HSPG2: variants seen among roughly 807,000 people sequenced by gnomAD.
HSPG2 encodes the protein basement membrane-specific heparan sulfate proteoglycan core protein.
A neutral mutation model predicts 526.6 loss-of-function variants in HSPG2; 278 were observed. The ratio of observed to expected loss-of-function variants is 0.53; its 90% CI spans 0.48 to 0.58. The LOEUF (loss-of-function observed/expected upper bound fraction) is 0.58, where lower values mean the gene tolerates loss of function less well. Ranked by LOEUF, HSPG2 falls within the 20% of genes least tolerant of loss-of-function variation. HSPG2 has a pLI of 0.00. For synonymous variants in HSPG2, 2,465 were observed against 2,555.4 expected (o/e 0.96, Z 1.07); for missense variants, 5,354 against 6,099.5 (o/e 0.88, Z 4.07).
chr1:21,876,866 C>T (rs1641110193), intron 21 of HSPG2, among the ~76,000 whole-genome samples: 1 of 152,140 alleles, frequency 6.6e-6, no homozygotes, highest in Admixed American at 6.5e-5. Flanking sequence ...CAAGACCAGC[C>T]TGGCCAACAT....
chr1:21,852,873 T>G, intron 51 of HSPG2, 41 bp from the exon 52 acceptor site: 1 of 1,611,304 alleles, frequency 6.2e-7, no homozygotes, highest in Non-Finnish European at 8.5e-7. Flanking sequence ...GCTGGAACAG[T>G]CCCATCCAGC....
In HSPG2 at chr1:21,872,462, G is replaced by T; in HGVS notation, c.4030-85C>A. 1 of 1,418,218 alleles carries T rather than the reference G, an allele frequency of 7.1e-7. No individual in the cohort carries two copies. Among genetic ancestry groups the T allele is most frequent in the South Asian group, 1.3e-5 (1 of 79,684 alleles). The allele number at this position is 1,418,218 out of a possible 1,614,324, so 87.9% of individuals were successfully genotyped here. A position where few individuals can be genotyped will look rare whatever the true frequency, so the allele number is the denominator to read the frequency against. ...GGGGCACGGGAGGGTGTTAAGGTGC[G>T]GAATGGGGTCCTGTTGAGATCAGGA... is the stretch of plus-strand genomic sequence containing the variant. On this transcript the variant is annotated intron_variant, in intron 32 of 96. Transcript: ENST00000374695. The surrounding 1 kb of genome is among the most constrained non-coding windows in gnomAD (Gnocchi z 5.5).
chr1:21,876,222 T>C lies in HSPG2; in HGVS notation c.3003+7A>G. On this transcript the variant is annotated splice_region_variant and intron_variant, in intron 23 of 96. Coordinates refer to ENST00000374695, the MANE Select transcript of HSPG2 (RefSeq NM_005529.7). The stretch of plus-strand genomic sequence containing the variant: ...GAGTTTCCTTTGCCTTTCCACCCAC[T>C]ACCCACCTTGTCCCCCAGGAAGCGT... 1 of 1,601,268 alleles carries C rather than the reference T, an allele frequency of 6.2e-7. No individual in the cohort carries two copies.
intron 21 of HSPG2, among the ~76,000 whole-genome samples, chr1:21,877,110 G>T (rs1641140959): frequency 6.6e-6 from 1 of 151,344 alleles, no homozygotes; most frequent in African/African-American, 2.4e-5. Flanking sequence ...ACATGTATGA[G>T]GCGTCATTGC....
At chr1:21,870,698 C>G (rs1640574528) in intron 33 of HSPG2, 1 of 391,958 alleles carries the variant, frequency 2.6e-6, no homozygotes, top group African/African-American at 2.2e-5. Flanking sequence ...ACCCTGGGGT[C>G]ATGGGACACC....
At position 21,885,424 on chromosome 1, in the gene HSPG2, C is replaced by T; in HGVS notation, c.1106G>A (p.Gly369Glu). Residue 369 changes from glycine to glutamate, a missense_variant, in exon 10 of 97, where the codon GGG (glycine) becomes GAG (glutamate). Transcript: ENST00000374695. ...AGAGACGCATCGGAACTGTGTGGGCCCGCACACTTCCTCAGGACGCTTGGT... is the reference window on the plus strand; with the variant it reads ...AGAGACGCATCGGAACTGTGTGGGCTCGCACACTTCCTCAGGACGCTTGGT... The part of the protein sequence containing the change: ...CPTKRPEEVC[G>E]PTQFRCVSTN... 6.2e-7 allele frequency: 1 copy of T among 1,614,050 alleles called. No individual in the cohort carries two copies. The highest frequency in any genetic ancestry group is 1.1e-5 in the South Asian group (1 of 91,084).
chr1:21,843,169 TCCTCCGTGGTAGGAAACCCCG>T (rs1218746366), intron 66 of HSPG2, 107 bp downstream of exon 66: 1 of 1,386,512 alleles, frequency 7.2e-7, no homozygotes, highest in African/African-American at 1.4e-5. Context: ...GTTGGCTTGA[TCCTCCGTGGTAGGAAACCCCG>T]CCTGCAGGCA....
At position 21,855,640 on chromosome 1, in the gene HSPG2, T is replaced by C. The variant is rs1407878329; in HGVS notation, c.5737A>G (p.Ile1913Val). The C allele has an allele frequency of 6.3e-7, 1 of 1,576,462 alleles. No individual in the cohort carries two copies. The highest frequency in any genetic ancestry group is 2.3e-5 in the East Asian group (1 of 43,324). The stretch of plus-strand genomic sequence containing the variant: ...GGCAGGCGCAGGATGCCGCCGTGGA[T>C]TTGTGCCTTCGCAGGGAGCTGGCCG... ...PGGQLPAKAQ[I>V]HGGILRLPAV... Residue 1913 changes from isoleucine (I) to valine (V), a missense_variant, in exon 46 of 97, where the codon ATC becomes GTC. Ile to Val is a conservative substitution (Grantham distance 29). Coordinates refer to ENST00000374695, the MANE Select transcript of HSPG2 (RefSeq NM_005529.7).
At chr1:21,916,950 A>G (rs906070595) in intron 1 of HSPG2, among the ~76,000 whole-genome samples, 4 of 152,124 alleles carry the variant, frequency 2.6e-5, no homozygotes, top group African/African-American at 9.7e-5. Flanking sequence ...CTCCCCACCC[A>G]TGGTTATTGT....
At chr1:21,867,844 C>T (rs1332433750) in intron 33 of HSPG2, among the ~76,000 whole-genome samples, 1 of 152,098 alleles carries the variant, frequency 6.6e-6, no homozygotes, top group Non-Finnish European at 1.5e-5. Context: ...GATTCTCCCC[C>T]TTCAGCCTCC....
In HSPG2 at chr1:21,839,470, T is replaced by C. The variant is rs139500146; in HGVS notation, c.9790A>G (p.Ile3264Val). The C allele has an allele frequency of 0.012, 19,738 of 1,614,040 alleles. 167 individuals are homozygous for C. The highest frequency in any genetic ancestry group is 0.013 in the Non-Finnish European group (15,519 of 1,179,964). ...TCCTGCTGGGCTACCCGGGGTATGA[T>C]GAGTGTGTCACCTTCCAGCCGGTGC... is the stretch of plus-strand genomic sequence containing the variant. ...WQHRLEGDTL[I>V]IPRVAQQDSG... Residue 3264 changes from isoleucine (I) to valine (V), a missense_variant, in exon 73 of 97, where the codon ATC (isoleucine) becomes GTC (valine). Transcript: ENST00000374695. This position sits in a 1 kb window ranked among gnomAD's most constrained non-coding sequence, Gnocchi z 4.5.
chr1:21,935,905 G>C (rs1240071600), intron 1 of HSPG2, among the ~76,000 whole-genome samples: 2 of 152,038 alleles, frequency 1.3e-5, no homozygotes, highest in African/African-American at 4.8e-5. Context: ...GATGGGGGAG[G>C]AGAAGTGCTG....
In HSPG2 at chr1:21,887,127, G is replaced by T; in HGVS notation, c.1078+88C>A. ...GGAGGGGGGAAAGCGGAGGGGCAGG[G>T]TAGGGGCGGGGCAGGAGTGGAAGGC... On this transcript the variant is annotated intron_variant, in intron 9 of 96. Coordinates refer to ENST00000374695, the MANE Select transcript of HSPG2 (RefSeq NM_005529.7). This position sits in a 1 kb window ranked among gnomAD's most constrained non-coding sequence, Gnocchi z 5.0. 4 of 1,209,000 alleles carry T rather than the reference G, an allele frequency of 3.3e-6. No homozygotes were observed. The highest frequency in any genetic ancestry group is 4.5e-6 in the Non-Finnish European group (4 of 881,750). The allele number at this position is 1,209,000 out of a possible 1,614,324, so 74.9% of individuals were successfully genotyped here.
At position 21,890,607 on chromosome 1, in the gene HSPG2, A is replaced by G; in HGVS notation, c.332T>C (p.Val111Ala). The change falls in exon 4 of 97, where the codon GTG becomes GCG. Residue 111 changes from valine (V) to alanine (A), a missense_variant. Physicochemically the swap from Val to Ala is moderately conservative, Grantham distance 64 (BLOSUM62 0). Coordinates refer to ENST00000374695, the MANE Select transcript of HSPG2 (RefSeq NM_005529.7). The surrounding 1 kb of genome is among the most constrained non-coding windows in gnomAD (Gnocchi z 4.1). The stretch of plus-strand genomic sequence containing the variant: ...CACCGTGTCTACCACAGCCTCGGAC[A>G]CCTCTCGGAACTCTCTGGAGCCTGC... ...EDAGSREFREVSEAVVDTLES... is the reference protein window; with the variant it reads ...EDAGSREFREASEAVVDTLES... The G allele has an allele frequency of 6.2e-7, 1 of 1,613,420 alleles. No homozygotes were observed. The highest frequency in any genetic ancestry group is 1.7e-5 in the Admixed American group (1 of 60,006).
chr1:21,836,733 T>C (rs1158402516), intron 75 of HSPG2, 69 bp downstream of exon 75: 28 of 1,399,596 alleles, frequency 2.0e-5, no homozygotes, highest in Non-Finnish European at 2.6e-5. Context: ...GGGCAGGTGC[T>C]TTAACTCTGC....
rs189021242 is a variant in HSPG2 at position 21,851,673 on chromosome 1, C to T, written c.7031G>A (p.Arg2344His). 37 of 1,614,040 alleles carry T rather than the reference C, an allele frequency of 2.3e-5. No homozygotes were observed. The highest frequency in any genetic ancestry group is 2.9e-5 in the Non-Finnish European group (34 of 1,180,030). Residue 2344 changes from arginine to histidine, a missense_variant, in exon 55 of 97, where the codon CGC (arginine) becomes CAC (histidine). By Grantham distance (29) the Arg-to-His change is conservative (BLOSUM62 0). Coordinates refer to ENST00000374695, the MANE Select transcript of HSPG2 (RefSeq NM_005529.7). ...CACTTGCGAGGAGGAGGGCTCGATG[C>T]GGATGGGCTGGGTGCTGCCGGCAGC... ...AYPAGSTQPI[R>H]IEPSSSQVAE... is the part of the protein sequence containing the mutation.
chr1:21,841,514 C>T (rs780630692), intron 70 of HSPG2, 25 bp downstream of exon 70: 2 of 1,614,012 alleles, frequency 1.2e-6, no homozygotes, highest in South Asian at 1.1e-5. Flanking sequence ...CAGGGCAGAG[C>T]CCCACAGGGT....
intron 21 of HSPG2, among the ~76,000 whole-genome samples, chr1:21,877,880 T>C (rs1407486157): frequency 2.0e-5 from 3 of 152,232 alleles, no homozygotes; most frequent in Non-Finnish European, 4.4e-5. Flanking sequence ...CTAATATCTA[T>C]ATCATTGTAT....
In HSPG2 at chr1:21,875,849, A is replaced by G. The variant is rs756220186; in HGVS notation, c.3183+14T>C. 2 of 1,613,590 alleles carry G rather than the reference A, an allele frequency of 1.2e-6. No homozygotes were observed. The highest frequency in any genetic ancestry group is 1.7e-6 in the Non-Finnish European group (2 of 1,179,880). ...CTGCCCGCACCCCTACCCCCAGGGG[A>G]CAGTATTGCTCACCTCCCGGAAAGG... On this transcript the variant is annotated intron_variant, in intron 24 of 96. Transcript: ENST00000374695.
Sources: allele counts gnomAD v4.1 joint callset (sites outside exome capture counted in the v4.1 genomes callset), GRCh38; gene constraint gnomAD v4.1.1; non-coding constraint Gnocchi (gnomAD v3.1); transcripts MANE v1.5; gene names NCBI Gene and HGNC (gene_info 2026-07-23, HGNC 2026-07-21).